Variants in PLOD2 observed in about 807,000 individuals in gnomAD.
PLOD2 encodes the protein procollagen-lysine,2-oxoglutarate 5-dioxygenase 2.
Under a neutral mutation model 101.0 loss-of-function variants are expected in PLOD2, and 65 were observed. The observed-to-expected ratio is 0.64, with a 90% CI of 0.53 to 0.79. The LOEUF is 0.79. PLOD2 is among the 30% of genes least tolerant of loss of function. The probability of loss-of-function intolerance (pLI) is 0.00; values close to 1 mark genes in which losing one functional copy is unlikely to be tolerated. For synonymous variants in PLOD2, 314 were observed against 302.9 expected, an observed-to-expected ratio of 1.04 and a Z score of -0.38; for missense variants, 909 against 914.6, an observed-to-expected ratio of 0.99 and a Z score of 0.08.
chr3:146,156,284 G>A (rs919874153), intron 1 of PLOD2, among the ~76,000 whole-genome samples: 1 of 152,124 alleles, frequency 6.6e-6, no homozygotes, highest in African/African-American at 2.4e-5. Flanking sequence ...AACTTAAGTG[G>A]GAATGTCATC....
intron 1 of PLOD2, among the ~76,000 whole-genome samples, chr3:146,152,996 C>A (rs942066661): frequency 6.6e-6 from 1 of 152,120 alleles, no homozygotes; most frequent in Non-Finnish European, 1.5e-5. Context: ...TAGACGTGGC[C>A]GGCAGGAATT....
At chr3:146,077,087 A>G (rs1292323094) in intron 14 of PLOD2, 192 bp from the exon 15 acceptor site, 1 of 1,272,260 alleles carries the variant, frequency 7.9e-7, no homozygotes, top group African/African-American at 1.5e-5. Flanking sequence ...TTCAGACACC[A>G]CACAAAACTA....
At chr3:146,108,811 C>A (rs143693511) in intron 4 of PLOD2, among the ~76,000 whole-genome samples, 2 of 152,124 alleles carry the variant, frequency 1.3e-5, no homozygotes, top group African/African-American at 4.8e-5. Context: ...AATAAATTTA[C>A]GAGATTTCAC....
chr3:146,138,355 A>T (rs1417875580), intron 1 of PLOD2, among the ~76,000 whole-genome samples: 1 of 151,932 alleles, frequency 6.6e-6, no homozygotes, highest in Non-Finnish European at 1.5e-5. Flanking sequence ...AAAAACAAAC[A>T]AAAATTTGCA....
chr3:146,095,305 T>C (rs1007794455), intron 7 of PLOD2, among the ~76,000 whole-genome samples: 19 of 151,910 alleles, frequency 1.3e-4, no homozygotes, highest in African/African-American at 4.4e-4. Context: ...GAAAAAAATT[T>C]TGCTATCTAT....
intron 1 of PLOD2, among the ~76,000 whole-genome samples, chr3:146,141,855 C>A (rs911975454): frequency 6.6e-6 from 1 of 151,850 alleles, no homozygotes; most frequent in African/African-American, 2.4e-5. Context: ...TTCAACAACA[C>A]GAAGAGGATG....
chr3:146,096,780 G>C (rs1937181973), intron 7 of PLOD2, among the ~76,000 whole-genome samples: 2 of 148,332 alleles, frequency 1.3e-5, no homozygotes, highest in African/African-American at 2.5e-5. Flanking sequence ...CGCCCAGCCA[G>C]CCACCCCGTC....
At chr3:146,150,379 A>C (rs937870591) in intron 1 of PLOD2, among the ~76,000 whole-genome samples, 10 of 151,956 alleles carry the variant, frequency 6.6e-5, no homozygotes, top group African/African-American at 2.2e-4. Flanking sequence ...CTTCGTTTTA[A>C]CTTCTACGTA....
chr3:146,084,477 G>A lies in PLOD2; in HGVS notation c.1232+692C>T, dbSNP rs182507907. Among the ~76,000 whole-genome samples, 348 of 151,988 alleles carry A rather than the reference G, an allele frequency of 2.3e-3. 1 individual carries two copies. The Middle Eastern group carries it at 0.027, about 12-fold the overall frequency. ...AAACAATCATTCTAACATTTCACCCGCTAAACATTCTATTTATTATGAGAA... is the reference window on the plus strand; with the variant it reads ...AAACAATCATTCTAACATTTCACCCACTAAACATTCTATTTATTATGAGAA... On this transcript the variant is annotated intron_variant, in intron 11 of 19. Transcript: ENST00000282903.
intron 1 of PLOD2, among the ~76,000 whole-genome samples, chr3:146,124,653 A>T (rs1292368908): frequency 1.4e-5 from 1 of 70,544 alleles, no homozygotes; most frequent in Non-Finnish European, 3.0e-5. Context: ...CATCAAAATA[A>T]TGACATACAC....
rs1936549258 is a variant in PLOD2 at position 146,081,810 on chromosome 3, C to T, written c.1286G>A (p.Trp429Ter). ...TRHGKLWSNF[W>*]GALSPDGYYA... The stretch of plus-strand genomic sequence containing the variant: ...GTATCCATCAGGACTCAATGCTCCC[C>T]AGAAATTGGACCACAGCTTTCCATG... The change falls in exon 12 of 20, where the codon TGG becomes TAG. Residue 429 changes from tryptophan to a stop codon, truncating the protein, a stop_gained. Transcript: ENST00000282903. LOFTEE classifies it high-confidence loss of function. 3 of 1,611,722 alleles carry T rather than the reference C, an allele frequency of 1.9e-6. No homozygotes were observed. Among genetic ancestry groups the T allele is most frequent in the Non-Finnish European group, 2.5e-6 (3 of 1,178,004 alleles).
intron 1 of PLOD2, among the ~76,000 whole-genome samples, chr3:146,149,825 A>G (rs949393913): frequency 1.3e-5 from 2 of 151,566 alleles, no homozygotes; most frequent in African/African-American, 2.4e-5. Flanking sequence ...AAGTAACTAT[A>G]TATGTTTTTA....
At chr3:146,093,414 G>A (rs1164888263) in intron 7 of PLOD2, among the ~76,000 whole-genome samples, 3 of 152,168 alleles carry the variant, frequency 2.0e-5, no homozygotes, top group African/African-American at 7.2e-5. Flanking sequence ...GACATTTCAA[G>A]AGTCAATGTG....
chr3:146,093,522 T>G (rs1937048804), intron 7 of PLOD2, among the ~76,000 whole-genome samples: 1 of 152,202 alleles, frequency 6.6e-6, no homozygotes, highest in South Asian at 2.1e-4. Context: ...CTACAAAATA[T>G]GGTTTTGAAG....
chr3:146,132,974 C>T (rs1329641992), intron 1 of PLOD2, among the ~76,000 whole-genome samples: 3 of 152,040 alleles, frequency 2.0e-5, no homozygotes, highest in South Asian at 2.1e-4. Context: ...GTCAGGAGAT[C>T]GAGACCATCC....
chr3:146,127,505 A>AT (rs550045405), intron 1 of PLOD2, among the ~76,000 whole-genome samples: 182 of 150,678 alleles, frequency 1.2e-3, no homozygotes, highest in Non-Finnish European at 2.0e-3. Context: ...ACAGGATTTC[A>AT]TTTTTTTTTA....
chr3:146,098,443 TAAATA>T lies in PLOD2; in HGVS notation c.777+4307_777+4311del, dbSNP rs1327909855. On this transcript the variant is annotated intron_variant, in intron 7 of 19. Coordinates refer to ENST00000282903, the MANE Select transcript of PLOD2 (RefSeq NM_182943.3). ...TTATTTAAAATACCTAAATATGTTT[TAAATA>T]AAATGTTAATTAAGAAACACAAAAT... Among the ~76,000 whole-genome samples the T allele has an allele frequency of 2.6e-5, 4 of 152,288 alleles. No individual in the cohort carries two copies. In the East Asian group the frequency reaches 7.7e-4, roughly 29 times the overall value.
intron 4 of PLOD2, among the ~76,000 whole-genome samples, chr3:146,109,931 T>G (rs1937598339): frequency 6.6e-6 from 1 of 152,060 alleles, no homozygotes; most frequent in African/African-American, 2.4e-5. Flanking sequence ...TTTTTTCAAG[T>G]AAGGAAGCTT....
chr3:146,116,440 T>C (rs1323677655), intron 3 of PLOD2, among the ~76,000 whole-genome samples: 1 of 152,144 alleles, frequency 6.6e-6, no homozygotes, highest in Non-Finnish European at 1.5e-5. Context: ...TATTGAACCA[T>C]CCTGGCATTC....
Sources: allele counts gnomAD v4.1 joint callset (sites outside exome capture counted in the v4.1 genomes callset), GRCh38; gene constraint gnomAD v4.1.1; transcripts MANE v1.5; gene names NCBI Gene and HGNC (gene_info 2026-07-23, HGNC 2026-07-21).